Variants in ARB2A observed in about 807,000 individuals in gnomAD.
ARB2A encodes the protein cotranscriptional regulator ARB2A.
the ARB2A span, chr5:93,735,524 T>C: frequency 6.6e-6 from 1 of 152,232 alleles, no homozygotes; most frequent in Non-Finnish European, 1.5e-5. Context: ...ACAGCTCTTA[T>C]GTTCACAACA....
the ARB2A span, among the ~76,000 whole-genome samples, chr5:94,086,416 C>T: frequency 6.6e-6 from 1 of 152,178 alleles, no homozygotes; most frequent in Non-Finnish European, 1.5e-5. Context: ...TGATACAACA[C>T]ATTACTCATG....
the ARB2A span, among the ~76,000 whole-genome samples, chr5:93,639,849 G>A: frequency 6.9e-4 from 104 of 151,434 alleles, 1 homozygote; most frequent in Middle Eastern, 3.4e-3. Context: ...GTTCGAGACC[G>A]GCCTGGCCAA....
chr5:93,687,679 G>A, the ARB2A span, among the ~76,000 whole-genome samples: 4 of 152,232 alleles, frequency 2.6e-5, no homozygotes, highest in Admixed American at 2.6e-4. Context: ...ATAGGACAAT[G>A]TGCATATGAG....
At chr5:93,749,110 T>A in the ARB2A span, among the ~76,000 whole-genome samples, 1 of 152,146 alleles carries the variant, frequency 6.6e-6, no homozygotes, top group African/African-American at 2.4e-5. Flanking sequence ...TTTTTTGTCA[T>A]AAACACTTTC....
the ARB2A span, among the ~76,000 whole-genome samples, chr5:94,032,137 C>A: frequency 6.6e-6 from 1 of 152,186 alleles, no homozygotes; most frequent in Non-Finnish European, 1.5e-5. Context: ...AAAGCTGCCA[C>A]CTTCAAGACC....
At chr5:93,687,253 A>ATG in the ARB2A span, among the ~76,000 whole-genome samples, 39 of 152,214 alleles carry the variant, frequency 2.6e-4, no homozygotes, top group Non-Finnish European at 1.5e-5. Context: ...TTTTTGCAGA[A>ATG]TAACAAAGAT....
chr5:93,694,871 C>T, the ARB2A span, among the ~76,000 whole-genome samples: 1 of 152,140 alleles, frequency 6.6e-6, no homozygotes, highest in Non-Finnish European at 1.5e-5. Context: ...ACAGAGGCCT[C>T]AGAAATAACA....
the ARB2A span, among the ~76,000 whole-genome samples, chr5:93,854,148 C>G: frequency 6.6e-6 from 1 of 152,160 alleles, no homozygotes; most frequent in African/African-American, 2.4e-5. Context: ...TGTTATTGGT[C>G]TATTCAGAGA....
chr5:93,744,587 T>C, the ARB2A span, among the ~76,000 whole-genome samples: 44 of 152,258 alleles, frequency 2.9e-4, no homozygotes, highest in African/African-American at 1.1e-3. Flanking sequence ...TATGTGCATG[T>C]ACTGCCAAAA....
chr5:93,633,086 C>T, the ARB2A span, among the ~76,000 whole-genome samples: 1 of 152,212 alleles, frequency 6.6e-6, no homozygotes, highest in African/African-American at 2.4e-5. Flanking sequence ...ATGGTCACAG[C>T]ATTCTCTTAG....
At chr5:93,667,059 G>A in the ARB2A span, among the ~76,000 whole-genome samples, 1 of 152,176 alleles carries the variant, frequency 6.6e-6, no homozygotes, top group Non-Finnish European at 1.5e-5. Context: ...AATAATAAGA[G>A]TGGTAGGATT....
At chr5:93,835,115 A>C in the ARB2A span, among the ~76,000 whole-genome samples, 4 of 152,230 alleles carry the variant, frequency 2.6e-5, no homozygotes, top group Non-Finnish European at 5.9e-5. Flanking sequence ...TTCAGAATAC[A>C]GGTGGAATTT....
chr5:93,636,436 C>T, the ARB2A span, among the ~76,000 whole-genome samples: 1 of 152,170 alleles, frequency 6.6e-6, no homozygotes, highest in Non-Finnish European at 1.5e-5. Context: ...GTAGAAACCT[C>T]ATGAGTGGAA....
At chr5:93,848,945 C>A in the ARB2A span, among the ~76,000 whole-genome samples, 2 of 152,140 alleles carry the variant, frequency 1.3e-5, no homozygotes, top group African/African-American at 2.4e-5. Flanking sequence ...GCAGAAAGGT[C>A]GCTTTTATGA....
the ARB2A span, among the ~76,000 whole-genome samples, chr5:93,838,308 C>A: frequency 6.6e-6 from 1 of 152,030 alleles, no homozygotes; most frequent in Non-Finnish European, 1.5e-5. Context: ...CAGACAGTTG[C>A]AGGTGTGTGG....
At chr5:93,849,959 T>C in the ARB2A span, among the ~76,000 whole-genome samples, 1 of 152,290 alleles carries the variant, frequency 6.6e-6, no homozygotes, top group Non-Finnish European at 1.5e-5. Flanking sequence ...TGCAAAATGC[T>C]TAGTATGTTC....
the ARB2A span, among the ~76,000 whole-genome samples, chr5:93,677,209 C>T: frequency 6.6e-6 from 1 of 152,034 alleles, no homozygotes; most frequent in Non-Finnish European, 1.5e-5. Context: ...CTAAAAATAA[C>T]AAAGTTTGAA....
the ARB2A span, among the ~76,000 whole-genome samples, chr5:93,830,305 G>GTGTGTA: frequency 2.4e-5 from 1 of 40,874 alleles, no homozygotes; most frequent in Admixed American, 3.3e-4. Flanking sequence ...ATATATGTGT[G>GTGTGTA]TGTGTGTATA....
the ARB2A span, among the ~76,000 whole-genome samples, chr5:93,930,459 T>C: frequency 6.6e-6 from 1 of 152,202 alleles, no homozygotes; most frequent in Non-Finnish European, 1.5e-5. Flanking sequence ...AATTCTTATA[T>C]GGTAAAGATA....
Sources: allele counts gnomAD v4.1 joint callset (sites outside exome capture counted in the v4.1 genomes callset), GRCh38; gene constraint gnomAD v4.1.1; transcripts MANE v1.5; gene names NCBI Gene and HGNC (gene_info 2026-07-23, HGNC 2026-07-21).